ZNF619: variants seen among roughly 807,000 people sequenced by gnomAD.
The protein encoded by ZNF619 is zinc finger protein 619.
ZNF619 carries 9 observed loss-of-function variants against 14.2 expected under a neutral mutation model. That is an observed-to-expected ratio of 0.64 (90% CI 0.38 to 1.11). ZNF619 has a LOEUF of 1.11. ZNF619 is among the 50% of genes least tolerant of loss of function. The pLI is 0.01. For synonymous variants in ZNF619, 246 were observed against 252.8 expected, an observed-to-expected ratio of 0.97 and a Z score of 0.26; for missense variants, 659 against 680.1, an observed-to-expected ratio of 0.97 and a Z score of 0.34.
chr3:40,489,452 T>A lies in ZNF619; in HGVS notation c.*1211T>A, dbSNP rs1485086373. 6.6e-6 allele frequency: 1 copy of A among 152,482 alleles called. No homozygotes were observed. The highest frequency in any genetic ancestry group is 1.5e-5 in the Non-Finnish European group (1 of 68,620). 9.4% of individuals were successfully genotyped at this position (152,482 alleles called of 1,614,324 possible). On this transcript the variant is annotated 3_prime_UTR_variant, in exon 5 of 5. Coordinates refer to ENST00000432264, the MANE Select transcript of ZNF619 (RefSeq NM_001145093.4). ...TTGTAGAGACAGAGTTTTGCCATGT[T>A]GCCCAGGCTGGTCTCAAAACTCCTG...
In ZNF619 at chr3:40,487,995, C is replaced by T. The variant is rs1697680264; in HGVS notation, c.1485C>T (p.Tyr495=). 1.2e-6 allele frequency: 2 copies of T among 1,614,076 alleles called. No individual in the cohort carries two copies. Among genetic ancestry groups the T allele is most frequent in the Non-Finnish European group, 1.7e-6 (2 of 1,180,026 alleles). The change falls in exon 5 of 5, where the codon TAC becomes TAT. Residue 495 remains tyrosine, a synonymous_variant. Coordinates refer to ENST00000432264, the MANE Select transcript of ZNF619 (RefSeq NM_001145093.4). Reference sequence around the variant, plus strand: ...CAGGGCTATCCGCAGTTAAGCCCTACTGTCCCTGCGCCATCCTCTCTCCTC... The same window carrying T: ...CAGGGCTATCCGCAGTTAAGCCCTATTGTCCCTGCGCCATCCTCTCTCCTC... ...NGTGLSAVKP[Y]CPCAILSPLP... is the part of the protein sequence containing the mutation.
intron 2 of ZNF619, among the ~76,000 whole-genome samples, chr3:40,480,214 A>G (rs150673770): frequency 2.0e-5 from 3 of 152,318 alleles, no homozygotes; most frequent in Non-Finnish European, 2.9e-5. Flanking sequence ...TAACAGATGT[A>G]TCTATTCTGC....
chr3:40,489,187 T>C lies in ZNF619; in HGVS notation c.*946T>C, dbSNP rs1697734604. 6.6e-6 allele frequency: 1 copy of C among 151,320 alleles called. No homozygotes were observed. The highest frequency in any genetic ancestry group is 2.1e-4 in the South Asian group (1 of 4,772). 9.4% of individuals were successfully genotyped at this position (151,320 alleles called of 1,614,324 possible). On this transcript the variant is annotated 3_prime_UTR_variant, in exon 5 of 5. Coordinates refer to ENST00000432264, the MANE Select transcript of ZNF619 (RefSeq NM_001145093.4). ...TTTTTCAATTTGGGTTCCTTCTCTA[T>C]TTTCATTTTCCTTTTTTTTTTGAGA... is the stretch of plus-strand genomic sequence containing the variant.
At chr3:40,482,877 G>A (rs929310685) in intron 4 of ZNF619, among the ~76,000 whole-genome samples, 173 bp downstream of exon 4, 4 of 152,176 alleles carry the variant, frequency 2.6e-5, no homozygotes, top group East Asian at 1.9e-4. Context: ...TAGAAAAGAC[G>A]AGTCCCGCCA....
In ZNF619 at chr3:40,481,033, A is replaced by G. The variant is rs541148213; in HGVS notation, c.25-830A>G. 5.9e-5 allele frequency among the ~76,000 whole-genome samples: 9 copies of G among 152,366 alleles called. 1 individual carries two copies. The South Asian group carries it at 1.9e-3, about 32-fold the overall frequency. ...CCTTTTAGTCTATTTCAAAGTGCTT[A>G]ATATTGCTCATTCCCATCATCTGAA... On this transcript the variant is annotated intron_variant, in intron 2 of 4. Transcript: ENST00000432264.
At chr3:40,479,959 T>C (rs1221434550) in intron 2 of ZNF619, among the ~76,000 whole-genome samples, 1 of 152,192 alleles carries the variant, frequency 6.6e-6, no homozygotes, top group Non-Finnish European at 1.5e-5. Flanking sequence ...ACCCACTTCC[T>C]ATAGAAGGGA....
chr3:40,478,097 G>C, intron 2 of ZNF619, 94 bp downstream of exon 2: 5 of 1,185,614 alleles, frequency 4.2e-6, no homozygotes, highest in Non-Finnish European at 6.0e-6. Context: ...CTCATGCTTA[G>C]TTTTACATCC....
Position 40,487,215 on chromosome 3 carries a change from A to C in ZNF619, c.705A>C (p.Lys235Asn). 1 of 1,614,194 alleles carries C rather than the reference A, an allele frequency of 6.2e-7. No individual in the cohort carries two copies. Among genetic ancestry groups the C allele is most frequent in the East Asian group, 2.2e-5 (1 of 44,876 alleles). The change falls in exon 5 of 5, where the codon AAA becomes AAC. Residue 235 changes from lysine to asparagine, a missense_variant. Physicochemically the swap from Lys to Asn is moderately conservative, Grantham distance 94. Transcript: ENST00000432264. ...VHTNEKPYTC[K>N]ECGKTFRYNS... ...CTAATGAGAAGCCCTACACATGCAA[A>C]GAATGTGGGAAAACCTTCAGATATA...
At chr3:40,484,634 A>G (rs1412639669) in intron 4 of ZNF619, among the ~76,000 whole-genome samples, 1 of 152,112 alleles carries the variant, frequency 6.6e-6, no homozygotes, top group East Asian at 1.9e-4. Context: ...ACAGGTGTAC[A>G]TTTTCTATTT....
At position 40,477,235 on chromosome 3, in the gene ZNF619, G is replaced by C. The variant is rs1697221879; in HGVS notation, c.-185G>C. On this transcript the variant is annotated 5_prime_UTR_variant, in exon 1 of 5. Coordinates refer to ENST00000432264, the MANE Select transcript of ZNF619 (RefSeq NM_001145093.4). ...CTACCTGTTCTGGAGGTCAGGCTTT[G>C]GGCCCTTGCAGAGGTCGCCGAGGGG... 1 of 152,436 alleles carries C rather than the reference G, an allele frequency of 6.6e-6. No individual in the cohort carries two copies. Among genetic ancestry groups the C allele is most frequent in the African/African-American group, 2.4e-5 (1 of 41,450 alleles). The allele number at this position is 152,436 out of a possible 1,614,324, so 9.4% of individuals were successfully genotyped here. A position where few individuals can be genotyped will look rare whatever the true frequency, so the allele number is the denominator to read the frequency against.
At chr3:40,479,462 G>C (rs924993862) in intron 2 of ZNF619, among the ~76,000 whole-genome samples, 1 of 152,222 alleles carries the variant, frequency 6.6e-6, no homozygotes, top group African/African-American at 2.4e-5. Flanking sequence ...TAAGTGCTGA[G>C]ATTTAGATGA....
chr3:40,485,753 T>C (rs1426964455), intron 4 of ZNF619, among the ~76,000 whole-genome samples: 1 of 152,178 alleles, frequency 6.6e-6, no homozygotes, highest in African/African-American at 2.4e-5. Context: ...GAAAGTTTCA[T>C]TTGTCAGATC....
chr3:40,478,755 T>G (rs1697284976), intron 2 of ZNF619, among the ~76,000 whole-genome samples: 1 of 152,172 alleles, frequency 6.6e-6, no homozygotes, highest in Non-Finnish European at 1.5e-5. Flanking sequence ...AAAGCTGAGT[T>G]TATCATGTAA....
chr3:40,489,217 T>C lies in ZNF619; in HGVS notation c.*976T>C, dbSNP rs1697735835. 6.7e-6 allele frequency: 1 copy of C among 149,820 alleles called. No individual in the cohort carries two copies. The highest frequency in any genetic ancestry group is 6.6e-5 in the Admixed American group (1 of 15,106). 9.3% of individuals were successfully genotyped at this position (149,820 alleles called of 1,614,324 possible). Reference sequence around the variant, plus strand: ...ATTTTCCTTTTTTTTTTGAGACAGGTTCTTGTTCTGTCATCCAGGCTGGAT... The same window carrying C: ...ATTTTCCTTTTTTTTTTGAGACAGGCTCTTGTTCTGTCATCCAGGCTGGAT... On this transcript the variant is annotated 3_prime_UTR_variant, in exon 5 of 5. Coordinates refer to ENST00000432264, the MANE Select transcript of ZNF619 (RefSeq NM_001145093.4).
At position 40,488,527 on chromosome 3, in the gene ZNF619, G is replaced by T. The variant is rs1697715097; in HGVS notation, c.*286G>T. 1 of 396,434 alleles carries T rather than the reference G, an allele frequency of 2.5e-6. No homozygotes were observed. The highest frequency in any genetic ancestry group is 4.5e-6 in the Non-Finnish European group (1 of 223,280). The allele number at this position is 396,434 out of a possible 1,614,324, so 24.6% of individuals were successfully genotyped here. ...GTTGGAAGAGTTTGCAGAACATTTTGGGGTTTAGGGCATATGGCATTATGA... is the reference window on the plus strand; with the variant it reads ...GTTGGAAGAGTTTGCAGAACATTTTTGGGTTTAGGGCATATGGCATTATGA... On this transcript the variant is annotated 3_prime_UTR_variant, in exon 5 of 5. Transcript: ENST00000432264.
At position 40,486,929 on chromosome 3, in the gene ZNF619, A is replaced by C. The variant is rs753768865; in HGVS notation, c.419A>C (p.Lys140Thr). ...GACGTTCCCCAGCACCCTGACTTCA[A>C]GGACAGGTTAGAGAAGTCACAGCTA... Reference protein sequence around the residue: ...LMDVPQHPDFKDRLEKSQLHD... With the variant: ...LMDVPQHPDFTDRLEKSQLHD... The change falls in exon 5 of 5, where the codon AAG becomes ACG. Residue 140 changes from lysine (K) to threonine (T), a missense_variant. Lys to Thr is a moderately conservative substitution (Grantham distance 78, BLOSUM62 -1). Transcript: ENST00000432264. 6.2e-7 allele frequency: 1 copy of C among 1,614,184 alleles called. No homozygotes were observed. Among genetic ancestry groups the C allele is most frequent in the Non-Finnish European group, 8.5e-7 (1 of 1,180,034 alleles).
chr3:40,485,302 A>AT (rs5848567), intron 4 of ZNF619, among the ~76,000 whole-genome samples: 21,320 of 142,910 alleles, frequency 0.15, 2,849 homozygotes, highest in African/African-American at 0.35. Flanking sequence ...TGAATGCATC[A>AT]TTTTTTTTTT....
chr3:40,485,542 A>G (rs973426510), intron 4 of ZNF619, among the ~76,000 whole-genome samples: 4 of 152,108 alleles, frequency 2.6e-5, no homozygotes, highest in African/African-American at 9.7e-5. Context: ...AAATCAGGTG[A>G]TCCACCTGCC....
rs1697713231 is a variant in ZNF619 at position 40,488,444 on chromosome 3, A to G, written c.*203A>G. ...TAGGAAATGGCAGTACTTATTCTTT[A>G]TCGTGTCCACATTTGGGCTGTATTA... On this transcript the variant is annotated 3_prime_UTR_variant, in exon 5 of 5. Coordinates refer to ENST00000432264, the MANE Select transcript of ZNF619 (RefSeq NM_001145093.4). The G allele has an allele frequency of 1.8e-6, 1 of 549,990 alleles. No homozygotes were observed. The highest frequency in any genetic ancestry group is 3.6e-5 in the Admixed American group (1 of 28,076). The allele number at this position is 549,990 out of a possible 1,614,324, so 34.1% of individuals were successfully genotyped here. A position where few individuals can be genotyped will look rare whatever the true frequency, so the allele number is the denominator to read the frequency against.
Sources: allele counts gnomAD v4.1 joint callset (sites outside exome capture counted in the v4.1 genomes callset), GRCh38; gene constraint gnomAD v4.1.1; transcripts MANE v1.5; gene names NCBI Gene and HGNC (gene_info 2026-07-23, HGNC 2026-07-21).